MGAT4C: variants seen among roughly 807,000 people sequenced by gnomAD.
The protein encoded by MGAT4C is alpha-1,3-mannosyl-glycoprotein 4-beta-N-acetylglucosaminyltransferase C.
In MGAT4C, 19 loss-of-function variants were observed where a neutral mutation model predicts 40.1. The observed-to-expected ratio is 0.47, with a 90% CI of 0.33 to 0.70. The LOEUF (loss-of-function observed/expected upper bound fraction) is 0.70, where lower values mean the gene tolerates loss of function less well. Ranked by LOEUF, MGAT4C falls within the 30% of genes least tolerant of loss-of-function variation. The probability of loss-of-function intolerance (pLI) is 0.02; values close to 1 mark genes in which losing one functional copy is unlikely to be tolerated. For missense variants in MGAT4C, 491 were observed against 563.2 expected (o/e 0.87, Z 1.30); for synonymous variants, 181 against 187.1 (o/e 0.97, Z 0.27).
At chr12:86,268,076 C>T (rs1952834898) in intron 4 of MGAT4C, among the ~76,000 whole-genome samples, 2 of 152,078 alleles carry the variant, frequency 1.3e-5, no homozygotes, top group Non-Finnish European at 2.9e-5. Flanking sequence ...AGAAAGATAG[C>T]TGTGTATGTC....
chr12:86,781,896 T>A (rs1951846754), intron 1 of MGAT4C, among the ~76,000 whole-genome samples: 1 of 149,622 alleles, frequency 6.7e-6, no homozygotes, highest in Non-Finnish European at 1.5e-5. Context: ...AGTGTTTTTA[T>A]ACAAAAATTA....
intron 2 of MGAT4C, among the ~76,000 whole-genome samples, chr12:86,548,859 T>C (rs1959225275): frequency 6.6e-6 from 1 of 152,226 alleles, no homozygotes; most frequent in East Asian, 1.9e-4. Context: ...ATCAATGTGT[T>C]TTATTTATTA....
chr12:86,395,508 T>A (rs1043948527), intron 3 of MGAT4C, among the ~76,000 whole-genome samples: 1 of 151,970 alleles, frequency 6.6e-6, no homozygotes, highest in Admixed American at 6.6e-5. Flanking sequence ...AAGAGAAAAA[T>A]GAGGTGAGTT....
intron 2 of MGAT4C, among the ~76,000 whole-genome samples, chr12:86,018,918 G>A (rs1889366886): frequency 6.6e-6 from 1 of 151,980 alleles, no homozygotes; most frequent in Non-Finnish European, 1.5e-5. Flanking sequence ...GATGAGGATT[G>A]GGAAGAGACA....
chr12:86,134,599 T>C (rs1275451247), intron 1 of MGAT4C, among the ~76,000 whole-genome samples: 2 of 152,098 alleles, frequency 1.3e-5, no homozygotes, highest in South Asian at 2.1e-4. Context: ...AAACCAGTAA[T>C]AGTCCTGAAC....
At chr12:86,565,663 A>G (rs1046904372) in intron 2 of MGAT4C, among the ~76,000 whole-genome samples, 1 of 152,224 alleles carries the variant, frequency 6.6e-6, no homozygotes, top group Non-Finnish European at 1.5e-5. Context: ...TTGGTGACAA[A>G]TAAATTTGGG....
intron 1 of MGAT4C, among the ~76,000 whole-genome samples, chr12:86,779,917 A>G (rs1951809186): frequency 1.3e-5 from 2 of 151,660 alleles, no homozygotes; most frequent in South Asian, 4.1e-4. Flanking sequence ...TGTCTCAAAA[A>G]TAAAAATAAA....
At chr12:86,615,668 G>A (rs1433847392) in intron 2 of MGAT4C, among the ~76,000 whole-genome samples, 3 of 152,000 alleles carry the variant, frequency 2.0e-5, no homozygotes, top group African/African-American at 4.8e-5. Context: ...TCCAAAGAAC[G>A]CTAATCCTAT....
At chr12:86,112,234 G>A (rs753225432) in intron 1 of MGAT4C, among the ~76,000 whole-genome samples, 3 of 151,634 alleles carry the variant, frequency 2.0e-5, no homozygotes, top group African/African-American at 7.3e-5. Flanking sequence ...ACCTTTAGAG[G>A]GTGGATGACA....
intron 1 of MGAT4C, among the ~76,000 whole-genome samples, chr12:86,135,960 A>T (rs1169921817): frequency 6.6e-6 from 1 of 152,188 alleles, no homozygotes. Flanking sequence ...AAGATAAGAG[A>T]AGAAAATAAT....
At chr12:86,187,462 A>G (rs1237226475) in intron 1 of MGAT4C, among the ~76,000 whole-genome samples, 1 of 151,982 alleles carries the variant, frequency 6.6e-6, no homozygotes, top group Non-Finnish European at 1.5e-5. Flanking sequence ...GGTCTTCATT[A>G]CCCTTTGCAT....
chr12:86,479,013 C>T (rs932754299), intron 2 of MGAT4C, among the ~76,000 whole-genome samples: 1 of 151,998 alleles, frequency 6.6e-6, no homozygotes, highest in Non-Finnish European at 1.5e-5. Context: ...CTTTTTTACA[C>T]CACATTGTCT....
At chr12:86,443,456 C>G (rs985963134) in intron 2 of MGAT4C, among the ~76,000 whole-genome samples, 1 of 152,090 alleles carries the variant, frequency 6.6e-6, no homozygotes, top group Non-Finnish European at 1.5e-5. Context: ...AACAAATGAA[C>G]ACTCACTACT....
chr12:86,246,469 TGAAA>T (rs971392763), intron 1 of MGAT4C, among the ~76,000 whole-genome samples: 9 of 152,274 alleles, frequency 5.9e-5, no homozygotes, highest in Middle Eastern at 3.4e-3. Context: ...AAATGGCTAC[TGAAA>T]GAGTCATTTT....
intron 3 of MGAT4C, among the ~76,000 whole-genome samples, chr12:85,987,482 G>C (rs1885390114): frequency 6.6e-6 from 1 of 151,932 alleles, no homozygotes; most frequent in Non-Finnish European, 1.5e-5. Flanking sequence ...TTCTGCACCT[G>C]GACTGATTTG....
chr12:86,821,470 T>C (rs1952705711), intron 1 of MGAT4C, among the ~76,000 whole-genome samples: 1 of 150,930 alleles, frequency 6.6e-6, no homozygotes, highest in African/African-American at 2.4e-5. Context: ...TGGATATCCA[T>C]CACCTGAAGC....
At chr12:86,287,502 G>A (rs781139515) in intron 4 of MGAT4C, among the ~76,000 whole-genome samples, 10 of 151,762 alleles carry the variant, frequency 6.6e-5, no homozygotes, top group Non-Finnish European at 1.5e-4. Flanking sequence ...CTATCCCTCC[G>A]TTAGCCCCTC....
At chr12:86,657,623 A>C (rs1963882370) in intron 2 of MGAT4C, among the ~76,000 whole-genome samples, 1 of 151,956 alleles carries the variant, frequency 6.6e-6, no homozygotes, top group Non-Finnish European at 1.5e-5. Flanking sequence ...CAACACAGAA[A>C]AAAGTTAAAG....
chr12:86,152,139 C>G (rs1352979373), intron 1 of MGAT4C, among the ~76,000 whole-genome samples: 1 of 152,204 alleles, frequency 6.6e-6, no homozygotes, highest in Non-Finnish European at 1.5e-5. Flanking sequence ...CCTTCCAAAT[C>G]CCTGTAATTT....
Sources: allele counts gnomAD v4.1 joint callset (sites outside exome capture counted in the v4.1 genomes callset), GRCh38; gene constraint gnomAD v4.1.1; transcripts MANE v1.5; gene names NCBI Gene and HGNC (gene_info 2026-07-23, HGNC 2026-07-21).